GALR2: variants seen among roughly 807,000 people sequenced by gnomAD.
GALR2 encodes galanin receptor type 2.
GALR2 carries 5 observed loss-of-function variants against 7.2 expected under a neutral mutation model. The observed-to-expected ratio is 0.69, with a 90% CI of 0.36 to 1.45. GALR2 has a LOEUF of 1.45. Among genes scored for constraint, GALR2 ranks in the 40% most tolerant of loss-of-function variants. The pLI is 0.03. For synonymous variants in GALR2, 300 were observed against 263.9 expected (o/e 1.14, Z -1.32); for missense variants, 561 against 555.7 (o/e 1.01, Z -0.10).
chr17:76,072,322 C>A, upstream of GALR2: 1 of 1,612,306 alleles, frequency 6.2e-7, no homozygotes, highest in Non-Finnish European at 8.5e-7. The surrounding 1 kb of genome is among the most constrained non-coding windows in gnomAD (Gnocchi z 4.5). Flanking sequence ...CAAACTCAGG[C>A]TATCCCCAAA....
In GALR2 at chr17:76,076,585, A is replaced by G; in HGVS notation, c.369-51A>G. 1 of 1,303,692 alleles carries G rather than the reference A, an allele frequency of 7.7e-7. No individual in the cohort carries two copies. The allele number at this position is 1,303,692 out of a possible 1,614,324, so 80.8% of individuals were successfully genotyped here. A position where few individuals can be genotyped will look rare whatever the true frequency, so the allele number is the denominator to read the frequency against. On this transcript the variant is annotated intron_variant, in intron 1 of 1. Coordinates refer to ENST00000329003, the MANE Select transcript of GALR2 (RefSeq NM_003857.4). This position sits in a 1 kb window ranked among gnomAD's most constrained non-coding sequence, Gnocchi z 6.5. ...CGAGGTGCAGGGGTCGCGGCCCTCC[A>G]GCATGAATGTGCCCGCTCAGCCGAC...
chr17:76,074,781 A>G lies in GALR2; in HGVS notation c.-103A>G. ...AGGCTCCCTCCGCCTTCAGCCCGGC[A>G]GAGTCGCACTAGGAGTTGCAGCGGC... On this transcript the variant is annotated 5_prime_UTR_variant, in exon 1 of 2. Coordinates refer to ENST00000329003, the MANE Select transcript of GALR2 (RefSeq NM_003857.4). The surrounding 1 kb of genome is among the most constrained non-coding windows in gnomAD (Gnocchi z 6.7). 1 of 1,252,376 alleles carries G rather than the reference A, an allele frequency of 8.0e-7. No individual in the cohort carries two copies. The highest frequency in any genetic ancestry group is 1.1e-6 in the Non-Finnish European group (1 of 939,582). 77.6% of individuals were successfully genotyped at this position (1,252,376 alleles called of 1,614,324 possible). A position where few individuals can be genotyped will look rare whatever the true frequency, so the allele number is the denominator to read the frequency against.
At chr17:76,072,363 G>A, upstream of GALR2, 1 of 1,612,660 alleles carries the variant, frequency 6.2e-7, no homozygotes, top group Non-Finnish European at 8.5e-7. The surrounding 1 kb of genome is among the most constrained non-coding windows in gnomAD (Gnocchi z 4.5). Context: ...CGGCCGAAGG[G>A]CGTTCGTTTT....
At chr17:76,072,562 T>G, upstream of GALR2, 1 of 1,519,038 alleles carries the variant, frequency 6.6e-7, no homozygotes, top group Non-Finnish European at 8.7e-7. The surrounding 1 kb of genome is among the most constrained non-coding windows in gnomAD (Gnocchi z 4.5). Flanking sequence ...GAGCTGGACC[T>G]GCCTGGCCGG....
At chr17:76,072,410 C>CACT (rs751762904), upstream of GALR2, 6 of 1,595,936 alleles carry the variant, frequency 3.8e-6, no homozygotes, top group Non-Finnish European at 5.1e-6. This position sits in a 1 kb window ranked among gnomAD's most constrained non-coding sequence, Gnocchi z 4.5. Context: ...CGTCCACCGC[C>CACT]GCTACCGCCG....
upstream of GALR2, chr17:76,072,227 G>C: frequency 6.3e-7 from 1 of 1,595,350 alleles, no homozygotes; most frequent in Non-Finnish European, 8.5e-7. This position sits in a 1 kb window ranked among gnomAD's most constrained non-coding sequence, Gnocchi z 4.5. Context: ...AGGACTTGTC[G>C]GGACCCGCCG....
chr17:76,074,202 G>A (rs2066875859), upstream of GALR2, among the ~76,000 whole-genome samples: 1 of 152,134 alleles, frequency 6.6e-6, no homozygotes. This position sits in a 1 kb window ranked among gnomAD's most constrained non-coding sequence, Gnocchi z 6.7. Context: ...TGTAGTCCCA[G>A]CCCCTCAGAA....
At chr17:76,072,189 G>A, upstream of GALR2, 5 of 1,561,734 alleles carry the variant, frequency 3.2e-6, no homozygotes, top group Non-Finnish European at 4.3e-6. The surrounding 1 kb of genome is among the most constrained non-coding windows in gnomAD (Gnocchi z 4.5). Flanking sequence ...AAGGGCGAGA[G>A]AAACTGCAAC....
At chr17:76,074,610 C>A (rs1263508404), upstream of GALR2, among the ~76,000 whole-genome samples, 1 of 152,250 alleles carries the variant, frequency 6.6e-6, no homozygotes, top group African/African-American at 2.4e-5. The surrounding 1 kb of genome is among the most constrained non-coding windows in gnomAD (Gnocchi z 6.7). Flanking sequence ...GCGCCACTCT[C>A]CGCCTGCGCC....
At chr17:76,072,497 C>A (rs763058388), upstream of GALR2, 6 of 1,582,340 alleles carry the variant, frequency 3.8e-6, no homozygotes, top group Non-Finnish European at 5.1e-6. This position sits in a 1 kb window ranked among gnomAD's most constrained non-coding sequence, Gnocchi z 4.5. Flanking sequence ...GCCATCTTGC[C>A]CCTGCGCCGC....
upstream of GALR2, chr17:76,072,795 C>G (rs1211229042): frequency 1.9e-6 from 1 of 537,896 alleles, no homozygotes; most frequent in Non-Finnish European, 3.2e-6. The surrounding 1 kb of genome is among the most constrained non-coding windows in gnomAD (Gnocchi z 4.5). Context: ...GACCCCAGGT[C>G]CTGCATCCTG....
At chr17:76,072,246 GC>G, upstream of GALR2, 2 of 1,595,032 alleles carry the variant, frequency 1.3e-6, no homozygotes, top group Non-Finnish European at 8.5e-7. This position sits in a 1 kb window ranked among gnomAD's most constrained non-coding sequence, Gnocchi z 4.5. Context: ...CGCCTCTCCC[GC>G]CCCCAGCCCT....
chr17:76,072,925 ACC>A (rs2066868149), upstream of GALR2, among the ~76,000 whole-genome samples: 1 of 150,638 alleles, frequency 6.6e-6, no homozygotes, highest in African/African-American at 2.4e-5. This position sits in a 1 kb window ranked among gnomAD's most constrained non-coding sequence, Gnocchi z 4.5. Context: ...GGAACGGGAC[ACC>A]CCGTCCGTAA....
chr17:76,076,273 G>A lies in GALR2; in HGVS notation c.369-363G>A, dbSNP rs1481427793. Reference sequence around the variant, plus strand: ...CCCGCGGCACCGTCACCAGTGGGTAGTCACAGCCTCCCGGAGCCCATAGCC... The same window carrying A: ...CCCGCGGCACCGTCACCAGTGGGTAATCACAGCCTCCCGGAGCCCATAGCC... On this transcript the variant is annotated intron_variant, in intron 1 of 1. Transcript: ENST00000329003. This position sits in a 1 kb window ranked among gnomAD's most constrained non-coding sequence, Gnocchi z 6.5. Among the ~76,000 whole-genome samples the A allele has an allele frequency of 6.6e-6, 1 of 152,212 alleles. No individual in the cohort carries two copies. Among genetic ancestry groups the A allele is most frequent in the African/African-American group, 2.4e-5 (1 of 41,458 alleles).
Sources: allele counts gnomAD v4.1 joint callset (sites outside exome capture counted in the v4.1 genomes callset), GRCh38; gene constraint gnomAD v4.1.1; non-coding constraint Gnocchi (gnomAD v3.1); transcripts MANE v1.5; gene names NCBI Gene and HGNC (gene_info 2026-07-23, HGNC 2026-07-21).